XDH: variants seen among roughly 807,000 people sequenced by gnomAD.
XDH encodes the protein xanthine dehydrogenase, also known as xanthine dehydrogenase/oxidase.
A neutral mutation model predicts 156.1 loss-of-function variants in XDH; 138 were observed. The observed-to-expected ratio is 0.88, with a 90% CI of 0.77 to 1.02. XDH has a LOEUF of 1.02. XDH is among the 50% of genes least tolerant of loss of function. The probability of loss-of-function intolerance (pLI) is 0.00; values close to 1 mark genes in which losing one functional copy is unlikely to be tolerated. For synonymous variants in XDH, 669 were observed against 625.7 expected (o/e 1.07, Z -1.03); for missense variants, 1,849 against 1,684.9 (o/e 1.10, Z -1.71).
At chr2:31,413,124 G>T (rs1687386673) in intron 1 of XDH, among the ~76,000 whole-genome samples, 1 of 152,110 alleles carries the variant, frequency 6.6e-6, no homozygotes, top group Admixed American at 6.6e-5. Flanking sequence ...CCAATGGTTT[G>T]GTTTAATAAA....
At chr2:31,385,457 G>A (rs1331207122) in intron 9 of XDH, among the ~76,000 whole-genome samples, 1 of 152,192 alleles carries the variant, frequency 6.6e-6, no homozygotes, top group East Asian at 1.9e-4. Context: ...CTCTGTGGCT[G>A]AGGAGCCAAC....
intron 4 of XDH, among the ~76,000 whole-genome samples, chr2:31,400,259 G>C (rs1221466115): frequency 2.3e-5 from 3 of 127,944 alleles, no homozygotes; most frequent in Admixed American, 8.2e-5. Flanking sequence ...TTTTTTTTGA[G>C]ATGGAGTCTC....
Position 31,366,956 on chromosome 2 carries a change from C to T in XDH, c.2236G>A (p.Glu746Lys), listed in dbSNP as rs750855300. 6.2e-7 allele frequency: 1 copy of T among 1,614,118 alleles called. No individual in the cohort carries two copies. Among genetic ancestry groups the T allele is most frequent in the Non-Finnish European group, 8.5e-7 (1 of 1,179,948 alleles). ...GGAACAGCAATGGTGCAGTGAGTCT[C>T]CAGGTAGAAGTGCTCTTGGCCACCG... ...YIGGQEHFYL[E>K]THCTIAVPKG... Residue 746 changes from glutamate (E) to lysine (K), a missense_variant, in exon 21 of 36, where the codon GAG (glutamate) becomes AAG (lysine). Glu to Lys is a moderately conservative substitution (Grantham distance 56, BLOSUM62 1). Coordinates refer to ENST00000379416, the MANE Select transcript of XDH (RefSeq NM_000379.4).
At chr2:31,384,016 TG>T (rs1686514141) in intron 9 of XDH, 169 bp from the exon 10 acceptor site, 6 of 687,520 alleles carry the variant, frequency 8.7e-6, no homozygotes. Context: ...AGACCAGGGG[TG>T]GGATTAGATG....
At position 31,372,261 on chromosome 2, in the gene XDH, A is replaced by C. The variant is rs757717669; in HGVS notation, c.1823T>G (p.Leu608Arg). 2 of 1,614,230 alleles carry C rather than the reference A, an allele frequency of 1.2e-6. No homozygotes were observed. The highest frequency in any genetic ancestry group is 4.5e-5 in the East Asian group (2 of 44,890). Residue 608 changes from leucine (L) to arginine (R), a missense_variant, in exon 17 of 36, where the codon CTG becomes CGG. Physicochemically the swap from Leu to Arg is moderately radical, Grantham distance 102. Transcript: ENST00000379416. ...PRYENELSLR[L>R]VTSTRAHAKI... is the part of the protein sequence containing the mutation. ...GGCGTGGGCCCGGGTGCTGGTGACC[A>C]GCCGGAGAGACAGCTCATTCTCGTA...
At chr2:31,378,187 C>CA (rs1686328366) in intron 13 of XDH, among the ~76,000 whole-genome samples, 1 of 91,210 alleles carries the variant, frequency 1.1e-5, no homozygotes, top group African/African-American at 4.1e-5. Flanking sequence ...AGCAAGCAAG[C>CA]AAGCAAAGCA....
chr2:31,381,771 C>A, intron 11 of XDH, 45 bp from the exon 12 acceptor site: 1 of 1,558,078 alleles, frequency 6.4e-7, no homozygotes, highest in Non-Finnish European at 8.8e-7. Flanking sequence ...CCCCAGGAAA[C>A]CCCTGCTCAC....
At position 31,397,699 on chromosome 2, in the gene XDH, G is replaced by A; in HGVS notation, c.464C>T (p.Pro155Leu). The A allele has an allele frequency of 1.2e-6, 2 of 1,614,206 alleles. No individual in the cohort carries two copies. The highest frequency in any genetic ancestry group is 1.7e-6 in the Non-Finnish European group (2 of 1,180,040). Residue 155 changes from proline (P) to leucine (L), a missense_variant, in exon 6 of 36, where the codon CCC becomes CTC. Pro to Leu is a moderately conservative substitution (Grantham distance 98). Coordinates refer to ENST00000379416, the MANE Select transcript of XDH (RefSeq NM_000379.4). ...GNLCRCTGYR[P>L]ILQGFRTFAR... ...AAAGGTCCGGAAGCCCTGGAGGATG[G>A]GTCTGTAGCCTGTGCAGCGGCACAG...
chr2:31,350,293 T>C (rs2148756923), intron 24 of XDH, 70 bp from the exon 25 acceptor site: 3 of 1,554,026 alleles, frequency 1.9e-6, no homozygotes, highest in Middle Eastern at 1.7e-4. Flanking sequence ...AGTAGGAACT[T>C]TGAGGGCTGT....
chr2:31,349,903 T>G, intron 25 of XDH, 72 bp from the exon 26 acceptor site: 1 of 1,612,076 alleles, frequency 6.2e-7, no homozygotes, highest in South Asian at 1.1e-5. Flanking sequence ...AACCTAAAGT[T>G]AAGCTTCCAA....
At position 31,337,629 on chromosome 2, in the gene XDH, G is replaced by T; in HGVS notation, c.3951+12C>A. The stretch of plus-strand genomic sequence containing the variant: ...TCCCCTGGACTGAGTGGATGCTTGA[G>T]GGGCATCATACCAGGGTGGTGAACT... On this transcript the variant is annotated intron_variant, in intron 35 of 35. Transcript: ENST00000379416. 1 of 1,613,830 alleles carries T rather than the reference G, an allele frequency of 6.2e-7. No individual in the cohort carries two copies. The highest frequency in any genetic ancestry group is 8.5e-7 in the Non-Finnish European group (1 of 1,180,026).
chr2:31,336,683 T>C (rs373659742), intron 35 of XDH, among the ~76,000 whole-genome samples: 3 of 151,048 alleles, frequency 2.0e-5, no homozygotes, highest in African/African-American at 7.3e-5. Context: ...GGGACCCATA[T>C]GCCTCCTTCA....
At chr2:31,403,235 A>T in intron 2 of XDH, 91 bp from the exon 3 acceptor site, 1 of 1,394,606 alleles carries the variant, frequency 7.2e-7, no homozygotes, top group Non-Finnish European at 9.9e-7. Flanking sequence ...GGGCAGAGCC[A>T]TTCATTCCCA....
intron 14 of XDH, 101 bp from the exon 15 acceptor site, chr2:31,375,655 T>A (rs966317753): frequency 1.4e-6 from 2 of 1,432,836 alleles, no homozygotes; most frequent in Non-Finnish European, 1.9e-6. Context: ...CAAAGCTTGG[T>A]TCAAAATTTG....
intron 24 of XDH, among the ~76,000 whole-genome samples, chr2:31,356,736 C>T (rs1351038301): frequency 6.6e-6 from 1 of 152,206 alleles, no homozygotes; most frequent in African/African-American, 2.4e-5. Flanking sequence ...GTTATAACAG[C>T]CACAGAAAAC....
chr2:31,377,206 G>C lies in XDH; in HGVS notation c.1274C>G (p.Ser425Cys), dbSNP rs138649664. Reference sequence around the variant, plus strand: ...CTTGGCAATGTCATCTTCTCTCCGGGAGGCCTGCTTGAATGCTGAGAAATA... The same window carrying C: ...CTTGGCAATGTCATCTTCTCTCCGGCAGGCCTGCTTGAATGCTGAGAAATA... Reference protein sequence around the residue: ...GEYFSAFKQASRREDDIAKVT... With the variant: ...GEYFSAFKQACRREDDIAKVT... Residue 425 changes from serine to cysteine, a missense_variant, in exon 14 of 36, where the codon TCC becomes TGC. Physicochemically the swap from Ser to Cys is moderately radical, Grantham distance 112. Transcript: ENST00000379416. The C allele has an allele frequency of 2.0e-3, 3,204 of 1,614,100 alleles. 5 individuals carry two copies. Among genetic ancestry groups the C allele is most frequent in the Non-Finnish European group, 2.5e-3 (2,908 of 1,180,026 alleles).
Position 31,342,258 on chromosome 2 carries a change from C to T in XDH, c.3444G>A (p.Gly1148=). ...CATAGCTGAAGTAGTGGAAGGGGTT[C>T]CCTGAGTTAGTCTCAAAGCTGTAGC... The part of the protein sequence containing the change: ...NLGYSFETNS[G]NPFHYFSYGV... The change falls in exon 32 of 36, where the codon GGG becomes GGA. Residue 1148 remains glycine, a synonymous_variant. Coordinates refer to ENST00000379416, the MANE Select transcript of XDH (RefSeq NM_000379.4). 1 of 1,614,090 alleles carries T rather than the reference C, an allele frequency of 6.2e-7. No homozygotes were observed. The highest frequency in any genetic ancestry group is 8.5e-7 in the Non-Finnish European group (1 of 1,180,012).
At chr2:31,378,830 T>C (rs1247915634) in intron 13 of XDH, among the ~76,000 whole-genome samples, 8 of 149,746 alleles carry the variant, frequency 5.3e-5, no homozygotes, top group Admixed American at 1.3e-4. Context: ...ACCTGTTTCC[T>C]CCCCACTTTC....
chr2:31,335,620 A>T lies in XDH; in HGVS notation c.*338T>A, dbSNP rs1684952123. 2.4e-6 allele frequency: 1 copy of T among 421,004 alleles called. No homozygotes were observed. Among genetic ancestry groups the T allele is most frequent in the African/African-American group, 2.0e-5 (1 of 49,580 alleles). 26.1% of individuals were successfully genotyped at this position (421,004 alleles called of 1,614,324 possible). A position where few individuals can be genotyped will look rare whatever the true frequency, so the allele number is the denominator to read the frequency against. ...GAATCCTCTTCAAAGGACAGACACCATCAGAACTTGAGGTTATACAGGCTG... is the reference window on the plus strand; with the variant it reads ...GAATCCTCTTCAAAGGACAGACACCTTCAGAACTTGAGGTTATACAGGCTG... On this transcript the variant is annotated 3_prime_UTR_variant, in exon 36 of 36. Coordinates refer to ENST00000379416, the MANE Select transcript of XDH (RefSeq NM_000379.4).
Sources: allele counts gnomAD v4.1 joint callset (sites outside exome capture counted in the v4.1 genomes callset), GRCh38; gene constraint gnomAD v4.1.1; transcripts MANE v1.5; gene names NCBI Gene and HGNC (gene_info 2026-07-23, HGNC 2026-07-21).